Variants in CACNA1E observed in about 807,000 individuals in gnomAD.
CACNA1E encodes the protein voltage-dependent R-type calcium channel subunit alpha-1E.
A neutral mutation model predicts 259.2 loss-of-function variants in CACNA1E; 40 were observed. The ratio of observed to expected loss-of-function variants is 0.15; its 90% CI spans 0.12 to 0.20. The LOEUF (loss-of-function observed/expected upper bound fraction) is 0.20. Ranked by LOEUF, CACNA1E falls within the 10% of genes least tolerant of loss-of-function variation. The pLI is 1.00. For synonymous variants in CACNA1E, 1,104 were observed against 1,138.5 expected, an observed-to-expected ratio of 0.97 and a Z score of 0.61; for missense variants, 1,874 against 3,040.1, an observed-to-expected ratio of 0.62 and a Z score of 9.02.
chr1:181,732,650 C>T lies in CACNA1E; in HGVS notation c.2564C>T (p.Ser855Phe). 6.6e-7 allele frequency: 1 copy of T among 1,508,954 alleles called. No individual in the cohort carries two copies. Among genetic ancestry groups the T allele is most frequent in the Non-Finnish European group, 8.8e-7 (1 of 1,131,002 alleles). 93.5% of individuals were successfully genotyped at this position (1,508,954 alleles called of 1,614,324 possible). The change falls in exon 20 of 48, where the codon TCC becomes TTC. Residue 855 changes from serine to phenylalanine, a missense_variant. Ser to Phe is a radical substitution (Grantham distance 155, BLOSUM62 -2). Transcript: ENST00000367573. The surrounding 1 kb of genome is among the most constrained non-coding windows in gnomAD (Gnocchi z 5.5). ...FEEERISRGGSLKGDGGDRSS... is the reference protein window; with the variant it reads ...FEEERISRGGFLKGDGGDRSS... ...GAGGAGCGCATCAGCCGTGGGGGGT[C>T]CCTCAAGGGGGATGGAGGGGACCGA...
intron 1 of CACNA1E, among the ~76,000 whole-genome samples, chr1:181,405,556 C>T (rs1009023764): frequency 6.6e-6 from 1 of 152,208 alleles, no homozygotes; most frequent in African/African-American, 2.4e-5. Context: ...GAGTAGTTTT[C>T]TGTCCTTAGT....
intron 7 of CACNA1E, among the ~76,000 whole-genome samples, chr1:181,665,141 A>G (rs1164456077): frequency 1.6e-5 from 2 of 123,316 alleles, no homozygotes; most frequent in African/African-American, 3.4e-5. Flanking sequence ...TGATACCTGT[A>G]TACCTATATA....
chr1:181,756,067 C>T lies in CACNA1E; in HGVS notation c.4101C>T (p.Thr1367=), dbSNP rs147656925. ...TCTGGGCCCTGCTGACCCTCTTCAC[C>T]GTCTCCACAGGGGAAGGATGGCCTC... is the stretch of plus-strand genomic sequence containing the variant. The part of the protein sequence containing the change: ...NIIWALLTLF[T]VSTGEGWPQV... The change falls in exon 29 of 48, where the codon ACC becomes ACT. Residue 1367 remains threonine (T), a synonymous_variant. Transcript: ENST00000367573. 104 of 1,613,640 alleles carry T rather than the reference C, an allele frequency of 6.4e-5. No individual in the cohort carries two copies. In the East Asian group the frequency reaches 9.4e-4, roughly 15 times the overall value.
chr1:181,421,332 G>C (rs559077214), intron 2 of CACNA1E, among the ~76,000 whole-genome samples: 3 of 152,148 alleles, frequency 2.0e-5, no homozygotes, highest in Non-Finnish European at 4.4e-5. Context: ...TGCAAAGTTT[G>C]ACCACATTTA....
intron 3 of CACNA1E, among the ~76,000 whole-genome samples, chr1:181,553,201 T>C (rs1178287513): frequency 1.3e-5 from 2 of 152,210 alleles, no homozygotes; most frequent in African/African-American, 2.4e-5. Context: ...TAGTTCTCCT[T>C]GAAGAGGTCC....
At chr1:181,361,949 G>A (rs1653912435) in intron 1 of CACNA1E, among the ~76,000 whole-genome samples, 1 of 152,194 alleles carries the variant, frequency 6.6e-6, no homozygotes, top group Admixed American at 6.5e-5. Flanking sequence ...GTGGCACATA[G>A]CAGGAGCTCA....
chr1:181,583,306 T>C (rs891477542), intron 6 of CACNA1E, among the ~76,000 whole-genome samples: 3 of 152,240 alleles, frequency 2.0e-5, no homozygotes, highest in South Asian at 2.1e-4. Flanking sequence ...AATATAAATA[T>C]AACTGTATTG....
Position 181,796,661 on chromosome 1 carries a change from C to T in CACNA1E, c.6209-7C>T. 6.4e-7 allele frequency: 1 copy of T among 1,569,870 alleles called. No individual in the cohort carries two copies. Among genetic ancestry groups the T allele is most frequent in the Non-Finnish European group, 8.7e-7 (1 of 1,151,144 alleles). On this transcript the variant is annotated splice_region_variant and splice_polypyrimidine_tract_variant and intron_variant, in intron 46 of 47. Transcript: ENST00000367573. The stretch of plus-strand genomic sequence containing the variant: ...TTATAACCAAGTGCTTTTGTCACCT[C>T]TCACAGGCCACAAGTCTGACACTCA...
intron 2 of CACNA1E, among the ~76,000 whole-genome samples, chr1:181,470,348 T>C (rs1158802906): frequency 6.6e-6 from 1 of 151,966 alleles, no homozygotes; most frequent in African/African-American, 2.4e-5. Context: ...GCCAAAACAC[T>C]TGGCTAATTT....
At chr1:181,572,878 G>A (rs543774131) in intron 3 of CACNA1E, among the ~76,000 whole-genome samples, 3 of 152,248 alleles carry the variant, frequency 2.0e-5, no homozygotes, top group East Asian at 1.9e-4. Flanking sequence ...GATCTGTGGC[G>A]CTTGGTAATT....
At chr1:181,597,545 T>C (rs1653312481) in intron 6 of CACNA1E, among the ~76,000 whole-genome samples, 11 of 152,182 alleles carry the variant, frequency 7.2e-5, no homozygotes, top group Admixed American at 7.2e-4. Flanking sequence ...CTCTTACACC[T>C]ACTGTGTGCC....
At chr1:181,766,637 T>TG in intron 35 of CACNA1E, 26 bp downstream of exon 35, 1 of 1,559,322 alleles carries the variant, frequency 6.4e-7, no homozygotes, top group Non-Finnish European at 8.8e-7. Flanking sequence ...AAGGGCCCGG[T>TG]GGGGGACAGC....
chr1:181,794,524 C>T (rs568933391), intron 45 of CACNA1E, among the ~76,000 whole-genome samples: 3 of 152,202 alleles, frequency 2.0e-5, no homozygotes, highest in Non-Finnish European at 4.4e-5. Context: ...TTCAAAGCAG[C>T]ACAGTATTTG....
At chr1:181,363,259 A>C (rs1467478664) in intron 1 of CACNA1E, among the ~76,000 whole-genome samples, 1 of 152,080 alleles carries the variant, frequency 6.6e-6, no homozygotes, top group Non-Finnish European at 1.5e-5. Flanking sequence ...CAAACCAAAA[A>C]CCAGAAACAA....
At chr1:181,330,114 G>A (rs1651136991) in intron 1 of CACNA1E, among the ~76,000 whole-genome samples, 1 of 152,132 alleles carries the variant, frequency 6.6e-6, no homozygotes, top group Admixed American at 6.5e-5. Flanking sequence ...TGCTCTCTGT[G>A]CCCTCATTTT....
chr1:181,715,353 C>T lies in CACNA1E; in HGVS notation c.1187C>T (p.Ala396Val). The change falls in exon 9 of 48, where the codon GCT becomes GTT. Residue 396 changes from alanine (A) to valine (V), a missense_variant. By Grantham distance (64) the Ala-to-Val change is moderately conservative. Around this residue, in one of 14 missense-constraint regions of CACNA1E, gnomAD observed 157 missense variants for 203.5 expected, o/e 0.77. Coordinates refer to ENST00000367573, the MANE Select transcript of CACNA1E (RefSeq NM_001205293.3). ...TTCCATATAGAGGAAGTCATGCTCG[C>T]TGAAGAAAATAAAAATGCTGGAACA... ...WIDKAEEVML[A>V]EENKNAGTSA... 1 of 1,598,168 alleles carries T rather than the reference C, an allele frequency of 6.3e-7. No homozygotes were observed. Among genetic ancestry groups the T allele is most frequent in the Non-Finnish European group, 8.6e-7 (1 of 1,168,096 alleles).
intron 39 of CACNA1E, 137 bp from the exon 40 acceptor site, chr1:181,783,542 C>T: frequency 1.7e-6 from 1 of 571,498 alleles, no homozygotes; most frequent in Non-Finnish European, 3.2e-6. Flanking sequence ...GAGAGAAGGA[C>T]TGGGGCAGGG....
At chr1:181,387,090 G>A (rs184127161) in intron 1 of CACNA1E, among the ~76,000 whole-genome samples, 36 of 152,256 alleles carry the variant, frequency 2.4e-4, no homozygotes, top group African/African-American at 8.7e-4. Flanking sequence ...CCAGCCCTCC[G>A]AGAGTACACA....
At chr1:181,445,445 A>C (rs533959449) in intron 2 of CACNA1E, among the ~76,000 whole-genome samples, 1 of 151,956 alleles carries the variant, frequency 6.6e-6, no homozygotes, top group African/African-American at 2.4e-5. Flanking sequence ...TCTGGGTTTC[A>C]GGGCTGGAGA....
Sources: allele counts gnomAD v4.1 joint callset (sites outside exome capture counted in the v4.1 genomes callset), GRCh38; gene constraint gnomAD v4.1.1; regional missense constraint gnomAD v4.1.1; non-coding constraint Gnocchi (gnomAD v3.1); transcripts MANE v1.5; gene names NCBI Gene and HGNC (gene_info 2026-07-23, HGNC 2026-07-21).